The following TJP2 variants were observed in gnomAD, a reference collection of about 807,000 sequenced individuals.
TJP2 encodes Friedreich ataxia region gene X104 (tight junction protein ZO-2).
A neutral mutation model predicts 133.1 loss-of-function variants in TJP2; 91 were observed. The observed-to-expected ratio is 0.68, with a 90% CI of 0.58 to 0.81. The LOEUF (loss-of-function observed/expected upper bound fraction) is 0.81. Among genes scored for constraint, TJP2 ranks in the 40% least tolerant of loss-of-function variants. TJP2 has a pLI of 0.00. For missense variants in TJP2, 1,541 were observed against 1,565.6 expected, an observed-to-expected ratio of 0.98 and a Z score of 0.26; for synonymous variants, 592 against 583.4, an observed-to-expected ratio of 1.01 and a Z score of -0.21.
Position 69,236,032 on chromosome 9 carries a change from T to C in TJP2, c.1785T>C (p.Tyr595=), listed in dbSNP as rs756746233. The change falls in exon 13 of 23, where the codon TAT becomes TAC. Residue 595 remains tyrosine, a synonymous_variant. Transcript: ENST00000377245. ...TILAQSRADV[Y]RDILACGRGD... is the part of the protein sequence containing the mutation. ...AACGATGCTTTTGTCTTTCAGTGTA[T>C]AGAGACATCCTGGCTTGTGGCAGAG... 3 of 1,614,152 alleles carry C rather than the reference T, an allele frequency of 1.9e-6. No homozygotes were observed. The highest frequency in any genetic ancestry group is 2.2e-5 in the South Asian group (2 of 91,080).
At chr9:69,252,154 C>T (rs1367392078) in intron 21 of TJP2, among the ~76,000 whole-genome samples, 1 of 152,032 alleles carries the variant, frequency 6.6e-6, no homozygotes, top group Non-Finnish European at 1.5e-5. Flanking sequence ...GCCACTGCAC[C>T]CAGCTAATTT....
chr9:69,144,352 G>A (rs1399241580), intron 1 of TJP2, among the ~76,000 whole-genome samples: 13 of 152,158 alleles, frequency 8.5e-5, no homozygotes, highest in East Asian at 1.9e-4. Context: ...TGCGGGGATG[G>A]GGAAGGGTTT....
At chr9:69,174,072 G>A (rs1587966502), upstream of TJP2, 16 of 1,107,608 alleles carry the variant, frequency 1.4e-5, no homozygotes, top group South Asian at 4.7e-4. Flanking sequence ...TTCGCCGCAG[G>A]AGCCTCGAAG....
intron 16 of TJP2, among the ~76,000 whole-genome samples, chr9:69,239,144 G>A (rs1464074594): frequency 2.0e-5 from 3 of 152,130 alleles, no homozygotes; most frequent in African/African-American, 7.2e-5. Context: ...AGCGGAGATT[G>A]CACCATTGCA....
chr9:69,158,560 C>T (rs1003579493), intron 2 of TJP2, among the ~76,000 whole-genome samples: 1 of 152,028 alleles, frequency 6.6e-6, no homozygotes, highest in African/African-American at 2.4e-5. Context: ...TTAGCTCTTC[C>T]CTTAAACGTT....
chr9:69,221,313 T>A lies in TJP2; in HGVS notation c.769T>A (p.Tyr257Asn). Residue 257 changes from tyrosine (Y) to asparagine (N), a missense_variant, in exon 5 of 23, where the codon TAC becomes AAC. Transcript: ENST00000377245. ...QDYERAYHRA[Y>N]DPDYERAYSP... is the part of the protein sequence containing the mutation. ...CTACGAGCGAGCCTATCACCGGGCC[T>A]ACGACCCAGACTACGAGCGGGCCTA... 6.2e-7 allele frequency: 1 copy of A among 1,604,210 alleles called. No individual in the cohort carries two copies. Among genetic ancestry groups the A allele is most frequent in the Non-Finnish European group, 8.5e-7 (1 of 1,175,828 alleles).
chr9:69,161,214 ATGTGTGTGTGTGTGTG>A (rs111442939), intron 2 of TJP2, among the ~76,000 whole-genome samples: 1 of 148,314 alleles, frequency 6.7e-6, no homozygotes, highest in Non-Finnish European at 1.5e-5. Flanking sequence ...GTCATCAGTG[ATGTGTGTGTGTGTGTG>A]TGTGTGTGTG....
chr9:69,229,216 C>T lies in TJP2; in HGVS notation c.1486C>T (p.Leu496Phe). 1 of 1,614,152 alleles carries T rather than the reference C, an allele frequency of 6.2e-7. No individual in the cohort carries two copies. Among genetic ancestry groups the T allele is most frequent in the Non-Finnish European group, 8.5e-7 (1 of 1,180,014 alleles). ...ACCAAAAGCAGCCCCGAGAACTTTT[C>T]TTCGTCCTAGTCCTGAAGATGAAGC... ...PQPKAAPRTF[L>F]RPSPEDEAIY... The change falls in exon 10 of 23, where the codon CTT becomes TTT. Residue 496 changes from leucine (L) to phenylalanine (F), a missense_variant. Transcript: ENST00000377245.
intron 1 of TJP2, among the ~76,000 whole-genome samples, chr9:69,178,140 T>C (rs1825232520): frequency 6.6e-6 from 1 of 152,118 alleles, no homozygotes; most frequent in South Asian, 2.1e-4. Flanking sequence ...GTAAGGACTA[T>C]CATACCCCCA....
intron 1 of TJP2, among the ~76,000 whole-genome samples, chr9:69,210,688 G>T (rs2133198016): frequency 6.6e-6 from 1 of 151,316 alleles, no homozygotes; most frequent in Non-Finnish European, 1.5e-5. Context: ...CCCAGTCCCA[G>T]GATTGCTGGT....
At chr9:69,173,568 T>G (rs1374739432), upstream of TJP2, among the ~76,000 whole-genome samples, 3 of 152,156 alleles carry the variant, frequency 2.0e-5, no homozygotes, top group Non-Finnish European at 4.4e-5. Flanking sequence ...TCCTGAAAAG[T>G]CCTGTTTTAA....
chr9:69,174,168 G>C (rs1214379833), upstream of TJP2: 1 of 1,291,152 alleles, frequency 7.7e-7, no homozygotes, highest in South Asian at 2.6e-5. Flanking sequence ...GGCCAGCGCG[G>C]AGGCGCCACG....
Position 69,249,420 on chromosome 9 carries a change from G to A in TJP2, c.2926G>A (p.Ala976Thr). The change falls in exon 20 of 23, where the codon GCT (alanine) becomes ACT (threonine). Residue 976 changes from alanine (A) to threonine (T), a missense_variant. Ala to Thr is a moderately conservative substitution (Grantham distance 58). Coordinates refer to ENST00000377245, the MANE Select transcript of TJP2 (RefSeq NM_004817.4). ...AGAGCCACGAGCTCAGATGAGGAGG[G>A]CTGCTAGCAGCGATCAACTTAGGGA... The part of the protein sequence containing the change: ...SPEPRAQMRR[A>T]ASSDQLRDNS... The A allele has an allele frequency of 6.2e-7, 1 of 1,611,888 alleles. No individual in the cohort carries two copies.
intron 1 of TJP2, among the ~76,000 whole-genome samples, chr9:69,201,843 T>G (rs1486584720): frequency 1.3e-5 from 2 of 152,146 alleles, no homozygotes; most frequent in Non-Finnish European, 1.5e-5. Flanking sequence ...TTATGCTATG[T>G]GAAGTAAGCC....
chr9:69,216,272 T>A lies in TJP2; in HGVS notation c.115-67T>A, dbSNP rs1828369517. 1.9e-6 allele frequency: 3 copies of A among 1,592,704 alleles called. No individual in the cohort carries two copies. In the Admixed American group the frequency reaches 5.0e-5, roughly 27 times the overall value. The stretch of plus-strand genomic sequence containing the variant: ...TTGATTTGACCTTTATTTTATTGAG[T>A]GCTTGTAATAAATCCTGAAAGCCAC... On this transcript the variant is annotated intron_variant, in intron 2 of 22. Coordinates refer to ENST00000377245, the MANE Select transcript of TJP2 (RefSeq NM_004817.4).
intron 3 of TJP2, 110 bp from the exon 4 acceptor site, chr9:69,218,147 C>T: frequency 1.1e-6 from 1 of 931,272 alleles, no homozygotes; most frequent in South Asian, 1.4e-5. Flanking sequence ...ACACTGAGCC[C>T]TTTAGAAAGC....
chr9:69,130,744 G>C (rs7048094), intron 1 of TJP2, among the ~76,000 whole-genome samples: 69,078 of 151,244 alleles, frequency 0.46, 15,839 homozygotes, highest in East Asian at 0.61. Context: ...AGGACGAATT[G>C]AGGAATACTG....
intron 1 of TJP2, among the ~76,000 whole-genome samples, chr9:69,180,615 G>C (rs891789334): frequency 1.3e-5 from 2 of 152,202 alleles, no homozygotes; most frequent in Non-Finnish European, 2.9e-5. Context: ...AGTAATGTAG[G>C]CTTCGAGAGA....
At chr9:69,137,064 A>AG (rs1053787478) in intron 1 of TJP2, among the ~76,000 whole-genome samples, 4 of 152,190 alleles carry the variant, frequency 2.6e-5, no homozygotes, top group African/African-American at 9.6e-5. Flanking sequence ...GATCCAGGCC[A>AG]GGTTCCTTAG....
Sources: allele counts gnomAD v4.1 joint callset (sites outside exome capture counted in the v4.1 genomes callset), GRCh38; gene constraint gnomAD v4.1.1; transcripts MANE v1.5; gene names NCBI Gene and HGNC (gene_info 2026-07-23, HGNC 2026-07-21).